The following HES6 variants were observed in gnomAD, a reference collection of about 807,000 sequenced individuals.
The protein encoded by HES6 is hes family bHLH transcription factor 6, also known as transcription cofactor HES-6.
In HES6, 24 loss-of-function variants were observed where a neutral mutation model predicts 16.4. The observed-to-expected ratio is 1.46, with a 90% CI of 1.06 to 2.06. HES6 has a LOEUF of 2.06. Among genes scored for constraint, HES6 ranks in the 30% most tolerant of loss-of-function variants. The probability of loss-of-function intolerance (pLI) is 0.00; values close to 1 mark genes in which losing one functional copy is unlikely to be tolerated. For synonymous variants in HES6, 159 were observed against 144.3 expected (o/e 1.10, Z -0.73); for missense variants, 355 against 317.6 (o/e 1.12, Z -0.90).
Position 238,239,763 on chromosome 2 carries a change from C to A in HES6, c.82-16G>T, listed in dbSNP as rs776293752. The A allele has an allele frequency of 4.3e-6, 6 of 1,397,738 alleles. No individual in the cohort carries two copies. The highest frequency in any genetic ancestry group is 3.0e-5 in the East Asian group (1 of 33,502). The allele number at this position is 1,397,738 out of a possible 1,614,324, so 86.6% of individuals were successfully genotyped here. Reference sequence around the variant, plus strand: ...GCTTCCGGGCCTGCGGGGAGCGGGGCACTGAATCCCAGCCCCGCACGGCCT... The same window carrying A: ...GCTTCCGGGCCTGCGGGGAGCGGGGAACTGAATCCCAGCCCCGCACGGCCT... On this transcript the variant is annotated splice_polypyrimidine_tract_variant and intron_variant, in intron 1 of 3. Coordinates refer to ENST00000272937, the MANE Select transcript of HES6 (RefSeq NM_018645.6).
Position 238,239,674 on chromosome 2 carries a change from AGCAGCAGCC to A in HES6, c.146_154del (p.Arg49_Leu51del), listed in dbSNP as rs994084523. On this transcript the variant is annotated inframe_deletion, in exon 2 of 4. Coordinates refer to ENST00000272937, the MANE Select transcript of HES6 (RefSeq NM_018645.6). ...CGGCCGCCGCACCTCGGCGCCCGCCAGCAGCAGCCGCAGCTCCTGCAGGCTCTCGTTGAT... is the reference window on the plus strand; with the variant it reads ...CGGCCGCCGCACCTCGGCGCCCGCCAGCAGCTCCTGCAGGCTCTCGTTGAT... 14 of 1,037,642 alleles carry A rather than the reference AGCAGCAGCC, an allele frequency of 1.3e-5. No homozygotes were observed. The highest frequency in any genetic ancestry group is 5.8e-6 in the Non-Finnish European group (5 of 868,350). 64.3% of individuals were successfully genotyped at this position (1,037,642 alleles called of 1,614,324 possible).
In HES6 at chr2:238,239,933, G is replaced by A; in HGVS notation, c.-28C>T. On this transcript the variant is annotated 5_prime_UTR_variant, in exon 1 of 4. Transcript: ENST00000272937. ...CCGCTCCGCCGGGGACGCGGCAGGG[G>A]CTAGGAGCAGCGGGGACGGGGAGCG... 8.4e-7 allele frequency: 1 copy of A among 1,189,100 alleles called. No homozygotes were observed. The highest frequency in any genetic ancestry group is 1.0e-6 in the Non-Finnish European group (1 of 958,424). 73.7% of individuals were successfully genotyped at this position (1,189,100 alleles called of 1,614,324 possible).
Position 238,238,978 on chromosome 2 carries a change from G to C in HES6, c.524C>G (p.Pro175Arg). The C allele has an allele frequency of 6.2e-7, 1 of 1,603,830 alleles. No individual in the cohort carries two copies. Among genetic ancestry groups the C allele is most frequent in the Non-Finnish European group, 8.5e-7 (1 of 1,177,058 alleles). The change falls in exon 4 of 4, where the codon CCG (proline) becomes CGG (arginine). Residue 175 changes from proline to arginine, a missense_variant. By Grantham distance (103) the Pro-to-Arg change is moderately radical. Transcript: ENST00000272937. ...GAPGSPIPSP[P>R]GPGDDLCSDL... ...GGAGCACAGGTCGTCCCCAGGACCCGGGGGGCTGGGTATTGGGGATCCCGG... is the reference window on the plus strand; with the variant it reads ...GGAGCACAGGTCGTCCCCAGGACCCCGGGGGCTGGGTATTGGGGATCCCGG...
Position 238,239,757 on chromosome 2 carries a change from G to T in HES6, c.82-10C>A. 1 of 1,396,384 alleles carries T rather than the reference G, an allele frequency of 7.2e-7. No individual in the cohort carries two copies. The highest frequency in any genetic ancestry group is 9.4e-7 in the Non-Finnish European group (1 of 1,068,026). The allele number at this position is 1,396,384 out of a possible 1,614,324, so 86.5% of individuals were successfully genotyped here. A position where few individuals can be genotyped will look rare whatever the true frequency, so the allele number is the denominator to read the frequency against. On this transcript the variant is annotated splice_polypyrimidine_tract_variant and intron_variant, in intron 1 of 3. Transcript: ENST00000272937. Reference sequence around the variant, plus strand: ...CCAGGGGCTTCCGGGCCTGCGGGGAGCGGGGCACTGAATCCCAGCCCCGCA... The same window carrying T: ...CCAGGGGCTTCCGGGCCTGCGGGGATCGGGGCACTGAATCCCAGCCCCGCA...
Position 238,239,825 on chromosome 2 carries a change from C to T in HES6, c.81G>A (p.Lys27=), listed in dbSNP as rs766567096. ...EDGWETRGDR[K]ARKPLVEKKR... is the part of the protein sequence containing the mutation. ...GCTCGCCCATGGCCCCGGCCCGCAC[C>T]TTGCGGTCCCCTCGCGTCTCCCAGC... Residue 27 remains lysine (K), a splice_region_variant and synonymous_variant, in exon 1 of 4, where the codon AAG becomes AAA. Coordinates refer to ENST00000272937, the MANE Select transcript of HES6 (RefSeq NM_018645.6). The T allele has an allele frequency of 5.0e-6, 7 of 1,400,866 alleles. No individual in the cohort carries two copies. The highest frequency in any genetic ancestry group is 1.5e-5 in the South Asian group (1 of 65,098). 86.8% of individuals were successfully genotyped at this position (1,400,866 alleles called of 1,614,324 possible). A position where few individuals can be genotyped will look rare whatever the true frequency, so the allele number is the denominator to read the frequency against.
chr2:238,239,199 G>T lies in HES6; in HGVS notation c.303C>A (p.Ile101=), dbSNP rs1695239838. The change falls in exon 4 of 4, where the codon ATC becomes ATA. Residue 101 remains isoleucine (I), a synonymous_variant. Transcript: ENST00000272937. ...EASERFAAGY[I]QCMHEVHTFV... ...ACGTGTGCACCTCGTGCATGCACTG[G>T]ATGTAGCCGGCAGCGAAGCGCTCGC... 6.2e-7 allele frequency: 1 copy of T among 1,611,594 alleles called. No homozygotes were observed. The highest frequency in any genetic ancestry group is 1.7e-5 in the Admixed American group (1 of 59,990).
chr2:238,239,604 G>C, intron 2 of HES6, 36 bp from the exon 3 acceptor site: 1 of 1,171,050 alleles, frequency 8.5e-7, no homozygotes. Flanking sequence ...CCGGCAGCGC[G>C]CTCCCGGACC....
chr2:238,239,776 C>G, intron 1 of HES6, 29 bp from the exon 2 acceptor site: 2 of 1,397,590 alleles, frequency 1.4e-6, no homozygotes, highest in Non-Finnish European at 1.9e-6. Flanking sequence ...TGAATCCCAG[C>G]CCCGCACGGC....
rs1217731366 is a variant in HES6 at position 238,239,972 on chromosome 2, T to C, written c.-67A>G. On this transcript the variant is annotated 5_prime_UTR_variant, in exon 1 of 4. Transcript: ENST00000272937. The stretch of plus-strand genomic sequence containing the variant: ...GGACGGGGAGCGGCGGGGACCGGAG[T>C]GCCGGCGCCCTCCGCTGCCCCGCGG... 9.7e-7 allele frequency: 1 copy of C among 1,035,570 alleles called. No individual in the cohort carries two copies. The highest frequency in any genetic ancestry group is 1.7e-5 in the African/African-American group (1 of 59,412). 64.1% of individuals were successfully genotyped at this position (1,035,570 alleles called of 1,614,324 possible).
At position 238,239,574 on chromosome 2, in the gene HES6, C is replaced by A; in HGVS notation, c.169-6G>T. 8.1e-7 allele frequency: 1 copy of A among 1,234,872 alleles called. No homozygotes were observed. The highest frequency in any genetic ancestry group is 2.8e-5 in the South Asian group (1 of 35,440). The allele number at this position is 1,234,872 out of a possible 1,614,324, so 76.5% of individuals were successfully genotyped here. ...TTCTCCAGCTTGGCCTGCACCTGCG[C>A]GGGCGGGAAGGGCGGTGAGCCGGCA... On this transcript the variant is annotated splice_polypyrimidine_tract_variant and splice_region_variant and intron_variant, in intron 2 of 3. Transcript: ENST00000272937.
rs1237584830 is a variant in HES6 at position 238,240,018 on chromosome 2, C to G, written c.-113G>C. On this transcript the variant is annotated 5_prime_UTR_variant, in exon 1 of 4. Transcript: ENST00000272937. ...CGCGGCCGCCCAGCAGCAGCCCAGC[C>G]GTCCGCGCTCCTCGCGGCTTCCGGC... 10 of 544,342 alleles carry G rather than the reference C, an allele frequency of 1.8e-5. No individual in the cohort carries two copies. The highest frequency in any genetic ancestry group is 6.7e-4 in the Middle Eastern group (1 of 1,496). The allele number at this position is 544,342 out of a possible 1,614,324, so 33.7% of individuals were successfully genotyped here.
Position 238,238,759 on chromosome 2 carries a change from C to G in HES6, c.*68G>C. On this transcript the variant is annotated 3_prime_UTR_variant, in exon 4 of 4. Coordinates refer to ENST00000272937, the MANE Select transcript of HES6 (RefSeq NM_018645.6). Reference sequence around the variant, plus strand: ...AGGGCCCTACCCCACCACATCTGAACCCCTGGGAGGAGGGAGGAGATCCAG... The same window carrying G: ...AGGGCCCTACCCCACCACATCTGAAGCCCTGGGAGGAGGGAGGAGATCCAG... 6.9e-7 allele frequency: 1 copy of G among 1,441,156 alleles called. No individual in the cohort carries two copies. The highest frequency in any genetic ancestry group is 9.4e-7 in the Non-Finnish European group (1 of 1,066,280). The allele number at this position is 1,441,156 out of a possible 1,614,324, so 89.3% of individuals were successfully genotyped here.
At position 238,239,723 on chromosome 2, in the gene HES6, TC is replaced by T. The variant is rs756521475; in HGVS notation, c.105del (p.Lys36SerfsTer34). On this transcript the variant is annotated frameshift_variant, in exon 2 of 4. Transcript: ENST00000272937. LOFTEE classifies it high-confidence loss of function. Reference sequence around the variant, plus strand: ...CTCTCGTTGATCCGCGCGCGCCGCTTCTTCTCCACCAGGGGCTTCCGGGCCT... The same window carrying T: ...CTCTCGTTGATCCGCGCGCGCCGCTTTTCTCCACCAGGGGCTTCCGGGCCT... ...DRKARKPLVE[K>X]KRRARINESL... The T allele has an allele frequency of 7.4e-7, 1 of 1,352,044 alleles. No homozygotes were observed. Among genetic ancestry groups the T allele is most frequent in the East Asian group, 3.0e-5 (1 of 32,800 alleles). The allele number at this position is 1,352,044 out of a possible 1,614,324, so 83.8% of individuals were successfully genotyped here.
chr2:238,239,611 G>GGGGGGGGGCCCCCCC, intron 2 of HES6, 43 bp from the exon 3 acceptor site: 2 of 1,135,684 alleles, frequency 1.8e-6, no homozygotes, highest in Non-Finnish European at 2.2e-6. Flanking sequence ...CGCGCTCCCG[G>GGGGGGGGGCCCCCCC]ACCCGCCCGC....
Position 238,239,841 on chromosome 2 carries a change from G to T in HES6, c.65C>A (p.Thr22Lys). 7.2e-7 allele frequency: 1 copy of T among 1,389,388 alleles called. No individual in the cohort carries two copies. 86.1% of individuals were successfully genotyped at this position (1,389,388 alleles called of 1,614,324 possible). A position where few individuals can be genotyped will look rare whatever the true frequency, so the allele number is the denominator to read the frequency against. The change falls in exon 1 of 4, where the codon ACG (threonine) becomes AAG (lysine). Residue 22 changes from threonine to lysine, a missense_variant. Thr to Lys is a moderately conservative substitution (Grantham distance 78, BLOSUM62 -1). Coordinates refer to ENST00000272937, the MANE Select transcript of HES6 (RefSeq NM_018645.6). ...VGREDEDGWE[T>K]RGDRKARKPL... ...GGCCCGCACCTTGCGGTCCCCTCGC[G>T]TCTCCCAGCCGTCCTCATCCTCACG...
rs1265083814 is a variant in HES6, at chr2:238,239,452, C to T, written c.250+35G>A. 5.5e-6 allele frequency: 7 copies of T among 1,273,914 alleles called. No homozygotes were observed. In the East Asian group the frequency reaches 1.6e-4, roughly 29 times the overall value. 78.9% of individuals were successfully genotyped at this position (1,273,914 alleles called of 1,614,324 possible). On this transcript the variant is annotated intron_variant, in intron 3 of 3. Coordinates refer to ENST00000272937, the MANE Select transcript of HES6 (RefSeq NM_018645.6). ...GTCTGGCAGGGGTTACAGGCGCCCG[C>T]GGCCGGCGCCCCCGCCCGCCCCGCC...
In HES6 at chr2:238,239,863, C is replaced by T; in HGVS notation, c.43G>A (p.Glu15Lys). Residue 15 changes from glutamate to lysine, a missense_variant, in exon 1 of 4, where the codon GAG becomes AAG. Coordinates refer to ENST00000272937, the MANE Select transcript of HES6 (RefSeq NM_018645.6). ...AAPGRDRVGREDEDGWETRGD... is the reference protein window; with the variant it reads ...AAPGRDRVGRKDEDGWETRGD... The stretch of plus-strand genomic sequence containing the variant: ...CGCGTCTCCCAGCCGTCCTCATCCT[C>T]ACGGCCCACACGGTCCCGGCCAGGC... 1 of 1,351,168 alleles carries T rather than the reference C, an allele frequency of 7.4e-7. No individual in the cohort carries two copies. The highest frequency in any genetic ancestry group is 2.3e-4 in the Middle Eastern group (1 of 4,308). 83.7% of individuals were successfully genotyped at this position (1,351,168 alleles called of 1,614,324 possible).
In HES6 at chr2:238,239,685, C is replaced by T. The variant is rs1377777623; in HGVS notation, c.144G>A (p.Leu48=). ...CCTCGGCGCCCGCCAGCAGCAGCCG[C>T]AGCTCCTGCAGGCTCTCGTTGATCC... ...RARINESLQE[L]RLLLAGAEVQ... Residue 48 remains leucine (L), a synonymous_variant, in exon 2 of 4, where the codon CTG becomes CTA. Transcript: ENST00000272937. The T allele has an allele frequency of 8.0e-7, 1 of 1,249,758 alleles. No homozygotes were observed. The highest frequency in any genetic ancestry group is 1.0e-6 in the Non-Finnish European group (1 of 992,162). 77.4% of individuals were successfully genotyped at this position (1,249,758 alleles called of 1,614,324 possible).
At position 238,239,733 on chromosome 2, in the gene HES6, C is replaced by G; in HGVS notation, c.96G>C (p.Leu32=). ...TCCGCGCGCGCCGCTTCTTCTCCAC[C>G]AGGGGCTTCCGGGCCTGCGGGGAGC... The part of the protein sequence containing the change: ...TRGDRKARKP[L]VEKKRRARIN... The change falls in exon 2 of 4, where the codon CTG becomes CTC. Residue 32 remains leucine, a synonymous_variant. Transcript: ENST00000272937. 7.3e-7 allele frequency: 1 copy of G among 1,373,572 alleles called. No homozygotes were observed. Among genetic ancestry groups the G allele is most frequent in the Non-Finnish European group, 9.5e-7 (1 of 1,056,626 alleles). The allele number at this position is 1,373,572 out of a possible 1,614,324, so 85.1% of individuals were successfully genotyped here.
Sources: gnomAD v4.1 joint callset for allele counts on GRCh38, gnomAD v4.1.1 for gene constraint, MANE v1.5 for transcripts, NCBI Gene and HGNC (gene_info 2026-07-23, HGNC 2026-07-21) for gene names.